The following LARGE1 variants were observed in gnomAD, a reference collection of about 807,000 sequenced individuals.
LARGE1 encodes xylosyl- and glucuronyltransferase LARGE1.
In LARGE1, 43 loss-of-function variants were observed where a neutral mutation model predicts 87.6. The observed-to-expected ratio is 0.49, with a 90% CI of 0.38 to 0.63. LARGE1 has a LOEUF of 0.63. Among genes scored for constraint, LARGE1 ranks in the 30% least tolerant of loss-of-function variants. The pLI, the probability that LARGE1 is intolerant of heterozygous loss-of-function variation, is 0.00. For synonymous variants in LARGE1, 434 were observed against 394.6 expected, an observed-to-expected ratio of 1.10 and a Z score of -1.18; for missense variants, 802 against 1,000.2, an observed-to-expected ratio of 0.80 and a Z score of 2.67.
intron 14 of LARGE1, among the ~76,000 whole-genome samples, chr22:33,275,720 A>G (rs1929133841): frequency 6.6e-6 from 1 of 152,226 alleles, no homozygotes. Context: ...AAAGAAAAAA[A>G]AGAAAATATG....
chr22:33,663,585 C>A (rs2081189816), intron 2 of LARGE1, among the ~76,000 whole-genome samples: 1 of 152,142 alleles, frequency 6.6e-6, no homozygotes, highest in African/African-American at 2.4e-5. Flanking sequence ...AAGCCCCTTG[C>A]AGGACAGAGG....
Position 33,589,405 on chromosome 22 carries a change from T to G in LARGE1, c.615+15030A>C, listed in dbSNP as rs566439222. On this transcript the variant is annotated intron_variant, in intron 5 of 14. Transcript: ENST00000397394. ...TTATATTGTTGTATACCTTTACTCA[T>G]TGTTCTGTTTATTAATATTTCCTCC... 7.9e-5 allele frequency among the ~76,000 whole-genome samples: 12 copies of G among 152,324 alleles called. No homozygotes were observed. In the South Asian group the frequency reaches 1.9e-3, roughly 24 times the overall value.
intron 11 of LARGE1, among the ~76,000 whole-genome samples, chr22:33,267,244 G>A (rs1214235333): frequency 1.3e-5 from 2 of 151,552 alleles, no homozygotes; most frequent in African/African-American, 2.4e-5. Context: ...TGTCTCAAAA[G>A]AAAACAAATA....
chr22:33,541,054 C>CGGGGGG lies in LARGE1; in HGVS notation c.787+23788_787+23793dup, dbSNP rs57583473. On this transcript the variant is annotated intron_variant, in intron 6 of 14. Coordinates refer to ENST00000397394, the MANE Select transcript of LARGE1 (RefSeq NM_133642.5). Reference sequence around the variant, plus strand: ...TCATGGTGGCTGGGGTGGTGGGTTGCGGGGGGGGGGGGGCGGGGGGCGGGT... The same window carrying CGGGGGG: ...TCATGGTGGCTGGGGTGGTGGGTTGCGGGGGGGGGGGGGGGGGGGCGGGGGGCGGGT... Among the ~76,000 whole-genome samples, 14 of 13,712 alleles carry CGGGGGG rather than the reference C, an allele frequency of 1.0e-3. 1 individual carries two copies. The highest frequency in any genetic ancestry group is 7.0e-3 in the Admixed American group (6 of 862). 9.0% of individuals were successfully genotyped at this position (13,712 alleles called of 152,430 possible).
At chr22:33,085,105 G>A in the LARGE1 span, among the ~76,000 whole-genome samples, 4,391 of 152,218 alleles carry the variant, frequency 0.029, 250 homozygotes, top group East Asian at 0.26. Context: ...GCAAAACCCC[G>A]TCTCTACTAA....
the LARGE1 span, among the ~76,000 whole-genome samples, chr22:33,119,335 T>TA: frequency 8.6e-3 from 1,302 of 152,078 alleles, 18 homozygotes; most frequent in African/African-American, 0.03. Flanking sequence ...TTTTATATAT[T>TA]TTTTTTTATT....
At chr22:33,523,784 G>T (rs796635602) in intron 6 of LARGE1, among the ~76,000 whole-genome samples, 123 of 151,822 alleles carry the variant, frequency 8.1e-4, no homozygotes, top group African/African-American at 2.8e-3. Flanking sequence ...TGCAAAAAAC[G>T]TACAGAGAGG....
chr22:33,918,445 T>C (rs1193095673), intron 1 of LARGE1, among the ~76,000 whole-genome samples: 1 of 152,226 alleles, frequency 6.6e-6, no homozygotes, highest in African/African-American at 2.4e-5. Context: ...GTTTTCTTCC[T>C]GGTATGGAAT....
intron 7 of LARGE1, among the ~76,000 whole-genome samples, chr22:33,411,566 G>T (rs1222174896): frequency 6.6e-6 from 1 of 152,100 alleles, no homozygotes; most frequent in Non-Finnish European, 1.5e-5. Context: ...TTTAAATTTT[G>T]ATCTATCAGA....
chr22:33,916,174 G>C (rs1285236618), intron 1 of LARGE1, among the ~76,000 whole-genome samples: 3 of 151,948 alleles, frequency 2.0e-5, no homozygotes, highest in African/African-American at 7.3e-5. Flanking sequence ...CCAGCTACTC[G>C]GGAGGCTGAG....
At chr22:33,908,052 A>G (rs1377043781) in intron 1 of LARGE1, among the ~76,000 whole-genome samples, 1 of 152,148 alleles carries the variant, frequency 6.6e-6, no homozygotes, top group African/African-American at 2.4e-5. Flanking sequence ...AGATTCCGGA[A>G]TACTTTGAGA....
At chr22:33,326,220 G>T (rs1442576283) in intron 10 of LARGE1, among the ~76,000 whole-genome samples, 1 of 152,194 alleles carries the variant, frequency 6.6e-6, no homozygotes, top group African/African-American at 2.4e-5. Flanking sequence ...CCTCGACTTG[G>T]AGGAGATAAG....
chr22:33,733,322 C>T (rs896019193), intron 2 of LARGE1: 2 of 152,262 alleles, frequency 1.3e-5, no homozygotes, highest in Admixed American at 6.5e-5. Context: ...TTTAATACAC[C>T]CCACATTCCT....
intron 6 of LARGE1, chr22:33,563,155 C>T (rs1240306645): frequency 2.0e-5 from 3 of 152,418 alleles, no homozygotes; most frequent in Middle Eastern, 3.4e-3. Flanking sequence ...GGGCTGATGC[C>T]TTTTCTGAGA....
intron 7 of LARGE1, among the ~76,000 whole-genome samples, chr22:33,396,514 G>T (rs1285365928): frequency 2.3e-5 from 3 of 128,008 alleles, no homozygotes; most frequent in Non-Finnish European, 4.9e-5. Flanking sequence ...AAGGAGGGAG[G>T]GGTGGGAGAG....
At chr22:33,433,109 A>G (rs1419238045) in intron 6 of LARGE1, among the ~76,000 whole-genome samples, 1 of 152,192 alleles carries the variant, frequency 6.6e-6, no homozygotes, top group East Asian at 1.9e-4. Context: ...TCTTGCAATT[A>G]TTACCAATAC....
At chr22:33,417,097 G>A (rs2066527445) in intron 7 of LARGE1, among the ~76,000 whole-genome samples, 2 of 151,564 alleles carry the variant, frequency 1.3e-5, no homozygotes, top group African/African-American at 4.9e-5. Flanking sequence ...ACTAGAGATG[G>A]GGTTTCACCA....
chr22:33,280,100 T>C, intron 13 of LARGE1, among the ~76,000 whole-genome samples: 1 of 152,202 alleles, frequency 6.6e-6, no homozygotes, highest in East Asian at 1.9e-4. Flanking sequence ...ATGCTAGTTT[T>C]ATAACAAAGT....
At chr22:33,643,370 C>T (rs1442364249) in intron 3 of LARGE1, among the ~76,000 whole-genome samples, 1 of 152,088 alleles carries the variant, frequency 6.6e-6, no homozygotes, top group African/African-American at 2.4e-5. Context: ...CACAACATAC[C>T]AGAATCTCTG....
Sources: allele counts gnomAD v4.1 joint callset (sites outside exome capture counted in the v4.1 genomes callset), GRCh38; gene constraint gnomAD v4.1.1; transcripts MANE v1.5; gene names NCBI Gene and HGNC (gene_info 2026-07-23, HGNC 2026-07-21).